DUSP4: variants seen among roughly 807,000 people sequenced by gnomAD.
DUSP4 encodes dual specificity protein phosphatase 4.
In DUSP4, 12 loss-of-function variants were observed where a neutral mutation model predicts 27.2. That is an observed-to-expected ratio of 0.44 (90% CI 0.28 to 0.71). The LOEUF is 0.71. Among genes scored for constraint, DUSP4 ranks in the 30% least tolerant of loss-of-function variants. The pLI is 0.14. For synonymous variants in DUSP4, 257 were observed against 245.2 expected, an observed-to-expected ratio of 1.05 and a Z score of -0.45; for missense variants, 448 against 551.3, an observed-to-expected ratio of 0.81 and a Z score of 1.88.
chr8:29,337,559 G>A lies in DUSP4; in HGVS notation c.800-148C>T. The A allele has an allele frequency of 8.8e-7, 1 of 1,138,604 alleles. No homozygotes were observed. The highest frequency in any genetic ancestry group is 1.6e-5 in the South Asian group (1 of 62,380). The allele number at this position is 1,138,604 out of a possible 1,614,324, so 70.5% of individuals were successfully genotyped here. ...CTGGAGAGGAAGAAAACCCATGTAGGCAGGTCTCTAGAATGCCCCCAATTC... is the reference window on the plus strand; with the variant it reads ...CTGGAGAGGAAGAAAACCCATGTAGACAGGTCTCTAGAATGCCCCCAATTC... On this transcript the variant is annotated intron_variant, in intron 3 of 3. Transcript: ENST00000240100. This position sits in a 1 kb window ranked among gnomAD's most constrained non-coding sequence, Gnocchi z 6.4.
intron 1 of DUSP4, 89 bp from the exon 2 acceptor site, chr8:29,340,332 T>G: frequency 1.4e-6 from 2 of 1,477,946 alleles, no homozygotes; most frequent in Non-Finnish European, 1.8e-6. Context: ...TCAGGCGGAC[T>G]GCTAGGAAGG....
intron 1 of DUSP4, among the ~76,000 whole-genome samples, chr8:29,347,397 C>T (rs1817751272): frequency 1.3e-5 from 2 of 152,208 alleles, no homozygotes; most frequent in South Asian, 2.1e-4. Flanking sequence ...TTAAAGATGG[C>T]CTCTGCTGAA....
chr8:29,337,476 G>A lies in DUSP4; in HGVS notation c.800-65C>T, dbSNP rs995199777. On this transcript the variant is annotated intron_variant, in intron 3 of 3. Coordinates refer to ENST00000240100, the MANE Select transcript of DUSP4 (RefSeq NM_001394.7). This position sits in a 1 kb window ranked among gnomAD's most constrained non-coding sequence, Gnocchi z 6.4. ...GACCCCAGCCCCGACCAGGGGCACC[G>A]GCCAGCCCCTGGGGTCGGGGGGCTC... 18 of 1,518,898 alleles carry A rather than the reference G, an allele frequency of 1.2e-5. No homozygotes were observed. Among genetic ancestry groups the A allele is most frequent in the Admixed American group, 4.0e-5 (2 of 49,562 alleles). The allele number at this position is 1,518,898 out of a possible 1,614,324, so 94.1% of individuals were successfully genotyped here.
Position 29,349,882 on chromosome 8 carries a change from G to T in DUSP4, c.397C>A (p.Arg133Ser). ...CAGATGTCGGTGCGCTCGGCGTTGC[G>T]GCGCAGCGCCTGCACCACCAGCGAC... ...TVSLVVQALR[R>S]NAERTDICLL... Residue 133 changes from arginine to serine, a missense_variant, in exon 1 of 4, where the codon CGC becomes AGC. Coordinates refer to ENST00000240100, the MANE Select transcript of DUSP4 (RefSeq NM_001394.7). The T allele has an allele frequency of 6.6e-7, 1 of 1,518,848 alleles. No individual in the cohort carries two copies. The allele number at this position is 1,518,848 out of a possible 1,614,324, so 94.1% of individuals were successfully genotyped here. A position where few individuals can be genotyped will look rare whatever the true frequency, so the allele number is the denominator to read the frequency against.
rs1817806582 is a variant in DUSP4 at position 29,350,407 on chromosome 8, A to C, written c.-129T>G. 6 of 1,116,818 alleles carry C rather than the reference A, an allele frequency of 5.4e-6. No individual in the cohort carries two copies. The highest frequency in any genetic ancestry group is 7.4e-6 in the Non-Finnish European group (6 of 812,918). The allele number at this position is 1,116,818 out of a possible 1,614,324, so 69.2% of individuals were successfully genotyped here. Reference sequence around the variant, plus strand: ...AGAAGTGGCCGCAAACTTGGTCCTCAAGGGCTCCCGCGGGAGAGCCTCTTC... The same window carrying C: ...AGAAGTGGCCGCAAACTTGGTCCTCCAGGGCTCCCGCGGGAGAGCCTCTTC... On this transcript the variant is annotated 5_prime_UTR_variant, in exon 1 of 4. Transcript: ENST00000240100.
At chr8:29,339,229 CAA>C (rs925667551) in intron 2 of DUSP4, among the ~76,000 whole-genome samples, 4 of 152,158 alleles carry the variant, frequency 2.6e-5, no homozygotes, top group Non-Finnish European at 4.4e-5. Context: ...GCCACACAGA[CAA>C]GAGAGAGGAT....
chr8:29,350,070 T>C lies in DUSP4; in HGVS notation c.209A>G (p.Asn70Ser). ...YILGSVNVRC[N>S]TIVRRRAKGS... The stretch of plus-strand genomic sequence containing the variant: ...CTTAGCCCGCCGCCGCACGATGGTG[T>C]TACAGCGCACGTTGACCGAACCTAG... Residue 70 changes from asparagine (N) to serine (S), a missense_variant, in exon 1 of 4, where the codon AAC becomes AGC. Coordinates refer to ENST00000240100, the MANE Select transcript of DUSP4 (RefSeq NM_001394.7). 1 of 1,604,844 alleles carries C rather than the reference T, an allele frequency of 6.2e-7. No individual in the cohort carries two copies. Among genetic ancestry groups the C allele is most frequent in the Non-Finnish European group, 8.5e-7 (1 of 1,176,974 alleles).
rs41277863 is a variant in DUSP4 at position 29,345,654 on chromosome 8, C to T, written c.433+4192G>A. ...GGAAAGTGGCCACCCTTTCTCTCTC[C>T]CTCATTTTTCTGAGCAGTCCATTTT... On this transcript the variant is annotated intron_variant, in intron 1 of 3. Transcript: ENST00000240100. 13,356 of 1,463,466 alleles carry T rather than the reference C, an allele frequency of 9.1e-3. 84 individuals carry two copies. The highest frequency in any genetic ancestry group is 0.017 in the Middle Eastern group (67 of 3,938). 90.7% of individuals were successfully genotyped at this position (1,463,466 alleles called of 1,614,324 possible). A position where few individuals can be genotyped will look rare whatever the true frequency, so the allele number is the denominator to read the frequency against.
chr8:29,346,755 C>T (rs1817739954), intron 1 of DUSP4, among the ~76,000 whole-genome samples: 1 of 152,204 alleles, frequency 6.6e-6, no homozygotes, highest in African/African-American at 2.4e-5. Flanking sequence ...TGATATTAAG[C>T]GAAGTTTACC....
At position 29,336,845 on chromosome 8, in the gene DUSP4, T is replaced by G; in HGVS notation, c.*181A>C. Reference sequence around the variant, plus strand: ...CTAAGTTGGAGTGTTCTGTTTGCTTTTATTATGTATTCGGAGTCCTTATTG... The same window carrying G: ...CTAAGTTGGAGTGTTCTGTTTGCTTGTATTATGTATTCGGAGTCCTTATTG... On this transcript the variant is annotated 3_prime_UTR_variant, in exon 4 of 4. Transcript: ENST00000240100. 2 of 832,350 alleles carry G rather than the reference T, an allele frequency of 2.4e-6. No individual in the cohort carries two copies. The highest frequency in any genetic ancestry group is 3.5e-6 in the Non-Finnish European group (2 of 566,450). 51.6% of individuals were successfully genotyped at this position (832,350 alleles called of 1,614,324 possible).
In DUSP4 at chr8:29,350,044, C is replaced by A. The variant is rs1817799237; in HGVS notation, c.235G>T (p.Gly79Cys). 2 of 1,595,614 alleles carry A rather than the reference C, an allele frequency of 1.3e-6. No individual in the cohort carries two copies. The highest frequency in any genetic ancestry group is 2.7e-5 in the African/African-American group (2 of 74,548). Residue 79 changes from glycine (G) to cysteine (C), a missense_variant, in exon 1 of 4, where the codon GGC becomes TGC. Gly to Cys is a radical substitution (Grantham distance 159, BLOSUM62 -3). This residue lies in a region of DUSP4 where 345 missense variants were observed against 394.0 expected (regional missense o/e 0.88). Coordinates refer to ENST00000240100, the MANE Select transcript of DUSP4 (RefSeq NM_001394.7). ...AGGATCTGCTCCAGGCTCACGGAGC[C>A]CTTAGCCCGCCGCCGCACGATGGTG... ...CNTIVRRRAK[G>C]SVSLEQILPA...
At chr8:29,340,011 A>G in intron 2 of DUSP4, 87 bp downstream of exon 2, 2 of 1,475,394 alleles carry the variant, frequency 1.4e-6, no homozygotes, top group South Asian at 1.3e-5. Context: ...AAGACAAAAA[A>G]CACCGTCAGA....
In DUSP4 at chr8:29,336,027, T is replaced by C. The variant is rs1817566940; in HGVS notation, c.*999A>G. 6.6e-6 allele frequency: 1 copy of C among 152,130 alleles called. No individual in the cohort carries two copies. The highest frequency in any genetic ancestry group is 2.1e-4 in the South Asian group (1 of 4,820). The allele number at this position is 152,130 out of a possible 1,614,324, so 9.4% of individuals were successfully genotyped here. A position where few individuals can be genotyped will look rare whatever the true frequency, so the allele number is the denominator to read the frequency against. ...CTCAGGAGGCCGAGGTGGGAGGATC[T>C]CTTGAGCCCAAGAGCTTGAGATGAG... On this transcript the variant is annotated 3_prime_UTR_variant, in exon 4 of 4. Coordinates refer to ENST00000240100, the MANE Select transcript of DUSP4 (RefSeq NM_001394.7).
At position 29,336,236 on chromosome 8, in the gene DUSP4, A is replaced by C. The variant is rs1817571223; in HGVS notation, c.*790T>G. 6.6e-6 allele frequency: 1 copy of C among 151,524 alleles called. No homozygotes were observed. The highest frequency in any genetic ancestry group is 1.5e-5 in the Non-Finnish European group (1 of 67,836). The allele number at this position is 151,524 out of a possible 1,614,324, so 9.4% of individuals were successfully genotyped here. On this transcript the variant is annotated 3_prime_UTR_variant, in exon 4 of 4. Coordinates refer to ENST00000240100, the MANE Select transcript of DUSP4 (RefSeq NM_001394.7). The stretch of plus-strand genomic sequence containing the variant: ...CTTTTTTTTTTAAAAAGCAATTCAA[A>C]CCTAATTCTTCCCTTTCTTCCTCCT...
chr8:29,350,260 G>C lies in DUSP4; in HGVS notation c.19C>G (p.Leu7Val), dbSNP rs1218946233. The change falls in exon 1 of 4, where the codon CTG (leucine) becomes GTG (valine). Residue 7 changes from leucine to valine, a missense_variant. Leu to Val is a conservative substitution (Grantham distance 32, BLOSUM62 1). Coordinates refer to ENST00000240100, the MANE Select transcript of DUSP4 (RefSeq NM_001394.7). MVTMEE[L>V]REMDCSVLKR... ...AGCACACTGCAGTCCATCTCCCGCA[G>C]CTCCTCCATCGTCACCATGGTCGCC... is the stretch of plus-strand genomic sequence containing the variant. The C allele has an allele frequency of 6.3e-7, 1 of 1,588,880 alleles. No homozygotes were observed. The highest frequency in any genetic ancestry group is 8.6e-7 in the Non-Finnish European group (1 of 1,166,074).
intron 2 of DUSP4, among the ~76,000 whole-genome samples, chr8:29,338,924 G>T (rs1817617038): frequency 6.6e-6 from 1 of 152,190 alleles, no homozygotes; most frequent in Admixed American, 6.5e-5. Flanking sequence ...GTGTGCAGTG[G>T]CTCACACCTG....
rs190722868 is a variant in DUSP4 at position 29,337,575 on chromosome 8, C to A, written c.800-164G>T. Among the ~76,000 whole-genome samples the A allele has an allele frequency of 4.3e-4, 66 of 152,312 alleles. No individual in the cohort carries two copies. Among genetic ancestry groups the A allele is most frequent in the African/African-American group, 1.5e-3 (62 of 41,572 alleles). ...CCCATGTAGGCAGGTCTCTAGAATG[C>A]CCCCAATTCTGAGGTCTATTTTCCC... On this transcript the variant is annotated intron_variant, in intron 3 of 3. Coordinates refer to ENST00000240100, the MANE Select transcript of DUSP4 (RefSeq NM_001394.7). The surrounding 1 kb of genome is among the most constrained non-coding windows in gnomAD (Gnocchi z 6.4).
intron 1 of DUSP4, chr8:29,348,825 A>ATT (rs1563864381): frequency 1.0e-6 from 1 of 984,566 alleles, no homozygotes; most frequent in Non-Finnish European, 1.2e-6. Context: ...TCGGAAGCGC[A>ATT]GACCCTACCC....
At chr8:29,339,832 C>T (rs971184655) in intron 2 of DUSP4, among the ~76,000 whole-genome samples, 22 of 136,738 alleles carry the variant, frequency 1.6e-4, no homozygotes, top group South Asian at 2.8e-4. Context: ...AGCAAGACCC[C>T]CCCCCCCCAT....
Sources: allele counts gnomAD v4.1 joint callset (sites outside exome capture counted in the v4.1 genomes callset), GRCh38; gene constraint gnomAD v4.1.1; regional missense constraint gnomAD v4.1.1; non-coding constraint Gnocchi (gnomAD v3.1); transcripts MANE v1.5; gene names NCBI Gene and HGNC (gene_info 2026-07-23, HGNC 2026-07-21).